KIAA1217: variants seen among roughly 807,000 people sequenced by gnomAD.
The protein encoded by KIAA1217 is sickle tail protein homolog.
A neutral mutation model predicts 163.9 loss-of-function variants in KIAA1217; 88 were observed. The observed-to-expected ratio is 0.54, with a 90% CI of 0.45 to 0.64. The LOEUF (loss-of-function observed/expected upper bound fraction) is 0.64, where lower values mean the gene tolerates loss of function less well. Among genes scored for constraint, KIAA1217 ranks in the 30% least tolerant of loss-of-function variants. The probability of loss-of-function intolerance (pLI) is 0.00; values close to 1 mark genes in which losing one functional copy is unlikely to be tolerated. For missense variants in KIAA1217, 2,372 were observed against 2,475.0 expected (o/e 0.96, Z 0.88); for synonymous variants, 903 against 923.1 (o/e 0.98, Z 0.39).
Position 24,533,129 on chromosome 10 carries a change from G to C in KIAA1217, c.3306G>C (p.Glu1102Asp). The C allele has an allele frequency of 6.2e-7, 1 of 1,613,836 alleles. No individual in the cohort carries two copies. The highest frequency in any genetic ancestry group is 1.3e-5 in the African/African-American group (1 of 75,000). ...CCAGAGCTACAAAATATCCAGCAGA[G>C]GAGCCTGCTTCAGCCTGGACCCCAT... ...PQTRATKYPA[E>D]EPASAWTPSP... Residue 1102 changes from glutamate to aspartate, a missense_variant, in exon 16 of 21, where the codon GAG becomes GAC. By Grantham distance (45) the Glu-to-Asp change is conservative. Coordinates refer to ENST00000376454, the MANE Select transcript of KIAA1217 (RefSeq NM_019590.5).
intron 2 of KIAA1217, among the ~76,000 whole-genome samples, chr10:24,138,209 C>T (rs1244979299): frequency 6.6e-6 from 1 of 152,136 alleles, no homozygotes; most frequent in African/African-American, 2.4e-5. Context: ...GCTGGAGTGC[C>T]ATGGTGCAGT....
intron 1 of KIAA1217, among the ~76,000 whole-genome samples, chr10:23,738,621 T>A (rs564609244): frequency 1.3e-5 from 2 of 152,294 alleles, no homozygotes; most frequent in South Asian, 4.1e-4. Context: ...GAAATGTTTT[T>A]TTTTCTATTT....
intron 1 of KIAA1217, among the ~76,000 whole-genome samples, chr10:23,963,055 C>T (rs1231818195): frequency 6.6e-6 from 1 of 152,140 alleles, no homozygotes; most frequent in Non-Finnish European, 1.5e-5. Flanking sequence ...GTGAAACATA[C>T]AATATTTGAC....
At chr10:24,184,569 T>C (rs1450458567) in intron 2 of KIAA1217, among the ~76,000 whole-genome samples, 1 of 152,172 alleles carries the variant, frequency 6.6e-6, no homozygotes, top group East Asian at 1.9e-4. Flanking sequence ...CTCAAGTATA[T>C]GTTATGGAGG....
intron 2 of KIAA1217, among the ~76,000 whole-genome samples, chr10:24,305,648 G>A (rs896871023): frequency 2.0e-5 from 3 of 152,186 alleles, no homozygotes; most frequent in Non-Finnish European, 4.4e-5. Flanking sequence ...AGTTAGCTAC[G>A]TTATGTTTCT....
At chr10:23,875,368 G>A (rs958519854) in intron 1 of KIAA1217, among the ~76,000 whole-genome samples, 2 of 151,958 alleles carry the variant, frequency 1.3e-5, no homozygotes, top group Non-Finnish European at 2.9e-5. Context: ...AATTTTATAG[G>A]TGCAGAATAT....
At chr10:23,740,299 A>T (rs1839035454) in intron 1 of KIAA1217, among the ~76,000 whole-genome samples, 1 of 152,174 alleles carries the variant, frequency 6.6e-6, no homozygotes, top group Non-Finnish European at 1.5e-5. Flanking sequence ...TATTTTACAC[A>T]GTAGTCTTCT....
At chr10:24,218,038 G>A (rs1356326627) in intron 1 of KIAA1217, among the ~76,000 whole-genome samples, 2 of 152,074 alleles carry the variant, frequency 1.3e-5, no homozygotes, top group East Asian at 3.8e-4. Flanking sequence ...AGTGGACAAG[G>A]AAACATTATT....
chr10:23,959,096 G>A (rs1293355753), intron 1 of KIAA1217, among the ~76,000 whole-genome samples: 1 of 151,858 alleles, frequency 6.6e-6, no homozygotes, highest in African/African-American at 2.4e-5. Flanking sequence ...AAAAGGTGAG[G>A]CAAAGCAGTG....
chr10:23,703,284 G>C (rs1447547757), intron 1 of KIAA1217, among the ~76,000 whole-genome samples: 1 of 152,108 alleles, frequency 6.6e-6, no homozygotes, highest in East Asian at 1.9e-4. Context: ...GGGAGGATCA[G>C]AGAGACACTT....
At chr10:24,445,658 G>A (rs546117499) in intron 5 of KIAA1217, among the ~76,000 whole-genome samples, 2 of 150,870 alleles carry the variant, frequency 1.3e-5, no homozygotes, top group African/African-American at 4.9e-5. Context: ...GCGATAGTTT[G>A]CTGAGAATGA....
intron 1 of KIAA1217, among the ~76,000 whole-genome samples, chr10:23,940,585 A>G (rs1179228930): frequency 1.3e-5 from 2 of 152,212 alleles, no homozygotes; most frequent in African/African-American, 2.4e-5. Flanking sequence ...CTTCAATTAA[A>G]TTGACCTAAG....
At chr10:23,838,451 A>G (rs576358183) in intron 1 of KIAA1217, among the ~76,000 whole-genome samples, 71 of 151,280 alleles carry the variant, frequency 4.7e-4, no homozygotes, top group African/African-American at 1.7e-3. Context: ...TTTATTGACA[A>G]CTTGTTTTCC....
chr10:24,124,222 G>C (rs969106925), intron 2 of KIAA1217, among the ~76,000 whole-genome samples: 1 of 151,864 alleles, frequency 6.6e-6, no homozygotes, highest in Non-Finnish European at 1.5e-5. Context: ...ATTTCTATAT[G>C]ATGGCCTGTA....
At chr10:24,334,314 A>G (rs1393504351) in intron 2 of KIAA1217, among the ~76,000 whole-genome samples, 1 of 151,904 alleles carries the variant, frequency 6.6e-6, no homozygotes, top group Non-Finnish European at 1.5e-5. Flanking sequence ...CCAAGGCAGG[A>G]GGATTGCTTA....
intron 1 of KIAA1217, among the ~76,000 whole-genome samples, chr10:23,992,160 C>T (rs961499595): frequency 2.6e-5 from 4 of 152,162 alleles, no homozygotes; most frequent in African/African-American, 7.2e-5. Context: ...TTGGATTTTG[C>T]TACCCATGTA....
chr10:23,967,647 A>G (rs191334293), intron 1 of KIAA1217, among the ~76,000 whole-genome samples: 1 of 152,300 alleles, frequency 6.6e-6, no homozygotes, highest in Non-Finnish European at 1.5e-5. Context: ...GTGTAAATAC[A>G]AACAGTTTTG....
chr10:23,697,824 C>T (rs1836146822), intron 1 of KIAA1217, among the ~76,000 whole-genome samples: 1 of 151,630 alleles, frequency 6.6e-6, no homozygotes, highest in African/African-American at 2.4e-5. Flanking sequence ...CTGCAGTGAG[C>T]TGAGATCGTG....
chr10:24,264,592 T>A (rs1285827264), intron 2 of KIAA1217, among the ~76,000 whole-genome samples: 1 of 152,182 alleles, frequency 6.6e-6, no homozygotes, highest in African/African-American at 2.4e-5. Context: ...TTCCTTCTAT[T>A]CCTTCAAAGA....
Sources: allele counts gnomAD v4.1 joint callset (sites outside exome capture counted in the v4.1 genomes callset), GRCh38; gene constraint gnomAD v4.1.1; transcripts MANE v1.5; gene names NCBI Gene and HGNC (gene_info 2026-07-23, HGNC 2026-07-21).